SEMA3A: variants seen among roughly 807,000 people sequenced by gnomAD.
SEMA3A encodes the protein semaphorin-3A.
In SEMA3A, 29 loss-of-function variants were observed where a neutral mutation model predicts 97.9. The ratio of observed to expected loss-of-function variants is 0.30; its 90% confidence interval spans 0.22 to 0.40. The LOEUF (loss-of-function observed/expected upper bound fraction) is 0.40, where lower values mean the gene tolerates loss of function less well. Ranked by LOEUF, SEMA3A falls within the 10% of genes least tolerant of loss-of-function variation. SEMA3A has a pLI of 1.00. For synonymous variants in SEMA3A, 321 were observed against 323.7 expected, an observed-to-expected ratio of 0.99 and a Z score of 0.09; for missense variants, 763 against 951.3, an observed-to-expected ratio of 0.80 and a Z score of 2.60.
At chr7:84,281,198 C>A (rs1281778672) in intron 3 of SEMA3A, among the ~76,000 whole-genome samples, 1 of 152,092 alleles carries the variant, frequency 6.6e-6, no homozygotes, top group African/African-American at 2.4e-5. Flanking sequence ...CTAGGATAAC[C>A]CATTTCTGAT....
At chr7:84,362,049 G>C (rs1305801981) in intron 2 of SEMA3A, among the ~76,000 whole-genome samples, 2 of 151,872 alleles carry the variant, frequency 1.3e-5, no homozygotes, top group Admixed American at 1.3e-4. Flanking sequence ...GGTATATTTA[G>C]TGGTTAAGAA....
chr7:83,998,806 T>C (rs895631188), intron 12 of SEMA3A, among the ~76,000 whole-genome samples: 1 of 152,168 alleles, frequency 6.6e-6, no homozygotes, highest in African/African-American at 2.4e-5. Context: ...TTTAAACTCC[T>C]TTTGTTAAAA....
chr7:84,076,038 C>G (rs898264711), intron 4 of SEMA3A, among the ~76,000 whole-genome samples: 1 of 151,954 alleles, frequency 6.6e-6, no homozygotes, highest in Admixed American at 6.6e-5. Flanking sequence ...AATCCTCTAC[C>G]GATTCCAGGA....
intron 2 of SEMA3A, among the ~76,000 whole-genome samples, chr7:84,356,029 T>C (rs1802552494): frequency 6.6e-6 from 1 of 151,984 alleles, no homozygotes; most frequent in South Asian, 2.1e-4. Context: ...AGAAACATTA[T>C]ACTAATCTTT....
In SEMA3A at chr7:83,960,822, ATG is replaced by A. The variant is rs1048723164; in HGVS notation, c.*547_*548del. 19 of 108,686 alleles carry A rather than the reference ATG, an allele frequency of 1.7e-4. No individual in the cohort carries two copies. Among genetic ancestry groups the A allele is most frequent in the African/African-American group, 5.8e-4 (18 of 31,184 alleles). The allele number at this position is 108,686 out of a possible 1,614,324, so 6.7% of individuals were successfully genotyped here. On this transcript the variant is annotated 3_prime_UTR_variant, in exon 17 of 17. Transcript: ENST00000265362. ...TTTTCTTCTGGATGATGGATGGCTT[ATG>A]TTTTTTTTTTTTTTTAATATTTCCA...
chr7:84,073,292 T>G (rs1793811309), intron 4 of SEMA3A, among the ~76,000 whole-genome samples: 1 of 151,836 alleles, frequency 6.6e-6, no homozygotes, highest in African/African-American at 2.4e-5. Flanking sequence ...CTGTGTGGAC[T>G]GGATGTGAGT....
intron 7 of SEMA3A, among the ~76,000 whole-genome samples, chr7:84,011,884 A>G (rs185221797): frequency 6.6e-6 from 1 of 152,316 alleles, no homozygotes; most frequent in East Asian, 1.9e-4. Context: ...ATAATTGTCA[A>G]TTTACAGTTT....
At chr7:84,047,357 G>A (rs1050686923) in intron 5 of SEMA3A, among the ~76,000 whole-genome samples, 2 of 151,952 alleles carry the variant, frequency 1.3e-5, no homozygotes, top group African/African-American at 4.8e-5. Context: ...ACACTTTCAA[G>A]TTATCTCATT....
At chr7:84,060,623 C>A in intron 4 of SEMA3A, 65 bp from the exon 5 acceptor site, 1 of 1,026,616 alleles carries the variant, frequency 9.7e-7, no homozygotes, top group South Asian at 2.0e-5. Context: ...GTTTTCAACA[C>A]ATCAGTTAAT....
chr7:84,207,813 C>T (rs1287423573), intron 3 of SEMA3A, among the ~76,000 whole-genome samples: 2 of 151,948 alleles, frequency 1.3e-5, no homozygotes, highest in African/African-American at 4.8e-5. Flanking sequence ...GGCGGGTTTC[C>T]CTGCAATTGA....
In SEMA3A at chr7:84,409,959, T is replaced by A. The variant is rs183233984; in HGVS notation, c.-245-38059A>T. ...TGAAATAAATGTAAATTTTACTTAA[T>A]CTTTTCTTAATAGCTTTCATTTTTG... is the stretch of plus-strand genomic sequence containing the variant. On this transcript the variant is annotated intron_variant, in intron 1 of 3. Coordinates refer to the SEMA3A transcript ENST00000424555. Among the ~76,000 whole-genome samples, 263 of 152,246 alleles carry A rather than the reference T, an allele frequency of 1.7e-3. 1 individual carries two copies. In the Middle Eastern group the frequency reaches 0.024, roughly 14 times the overall value.
At chr7:84,287,140 A>G (rs1800610213) in intron 3 of SEMA3A, among the ~76,000 whole-genome samples, 1 of 151,946 alleles carries the variant, frequency 6.6e-6, no homozygotes, top group Non-Finnish European at 1.5e-5. Flanking sequence ...CGTTCTCTTA[A>G]TTTTTCATTC....
intron 4 of SEMA3A, among the ~76,000 whole-genome samples, chr7:84,075,919 A>G (rs901180387): frequency 6.6e-6 from 1 of 152,184 alleles, no homozygotes; most frequent in Admixed American, 6.6e-5. Flanking sequence ...ATGGTTTATC[A>G]ATTATGAAAT....
chr7:83,995,940 C>T (rs1283053986), intron 12 of SEMA3A, among the ~76,000 whole-genome samples: 3 of 152,118 alleles, frequency 2.0e-5, no homozygotes, highest in Admixed American at 2.0e-4. Flanking sequence ...AAAAATTAAA[C>T]TCTTTCATTT....
intron 15 of SEMA3A, among the ~76,000 whole-genome samples, chr7:83,971,572 G>A (rs983825687): frequency 6.6e-6 from 1 of 151,986 alleles, no homozygotes; most frequent in African/African-American, 2.4e-5. Flanking sequence ...TCTTTCCAAT[G>A]TCTAGTATGA....
At position 84,475,507 on chromosome 7, in the gene SEMA3A, C is replaced by A. The variant is rs879917277; in HGVS notation, c.-246+16953G>T. ...TGTTAGAGCAGACTTTATTGGGGTA[C>A]GTTTTACACGCTCACCTAAATCTAT... On this transcript the variant is annotated intron_variant, in intron 1 of 3. Transcript: ENST00000424555. Among the ~76,000 whole-genome samples the A allele has an allele frequency of 3.4e-4, 52 of 152,122 alleles. 1 individual carries two copies. Among genetic ancestry groups the A allele is most frequent in the Admixed American group, 2.7e-3 (42 of 15,292 alleles).
chr7:84,355,120 A>C (rs555482398), intron 2 of SEMA3A, among the ~76,000 whole-genome samples: 1 of 151,912 alleles, frequency 6.6e-6, no homozygotes, highest in Admixed American at 6.6e-5. Flanking sequence ...TGAGAGTAAA[A>C]ACTGCTTTGA....
At chr7:84,422,623 A>T (rs1429471220) in intron 1 of SEMA3A, among the ~76,000 whole-genome samples, 1 of 151,900 alleles carries the variant, frequency 6.6e-6, no homozygotes, top group Non-Finnish European at 1.5e-5. Flanking sequence ...TCGGTTTTAG[A>T]TCTTTCCCGC....
At chr7:84,081,819 A>G (rs1776796992) in intron 4 of SEMA3A, among the ~76,000 whole-genome samples, 1 of 151,974 alleles carries the variant, frequency 6.6e-6, no homozygotes, top group Admixed American at 6.6e-5. Flanking sequence ...TATCTCATAT[A>G]TTTTAAGTAA....
Sources: gnomAD v4.1 joint callset for allele counts (sites outside exome capture counted in the v4.1 genomes callset) on GRCh38, gnomAD v4.1.1 for gene constraint, MANE v1.5 for transcripts, NCBI Gene and HGNC (gene_info 2026-07-23, HGNC 2026-07-21) for gene names.